AOAH: variants seen among roughly 807,000 people sequenced by gnomAD.
The protein encoded by AOAH is acyloxyacyl hydrolase (neutrophil).
In AOAH, 64 loss-of-function variants were observed where a neutral mutation model predicts 92.2. The observed-to-expected ratio is 0.69, with a 90% CI of 0.57 to 0.86. The LOEUF is 0.86. Ranked by LOEUF, AOAH falls within the 40% of genes least tolerant of loss-of-function variation. The pLI is 0.00. For synonymous variants in AOAH, 263 were observed against 254.5 expected (o/e 1.03, Z -0.32); for missense variants, 656 against 694.6 (o/e 0.94, Z 0.62).
chr7:36,584,989 G>A (rs1448557217), intron 12 of AOAH, among the ~76,000 whole-genome samples: 2 of 152,140 alleles, frequency 1.3e-5, no homozygotes. Context: ...CCCATACTCA[G>A]GATGCTCAGA....
intron 1 of AOAH, among the ~76,000 whole-genome samples, chr7:36,703,067 C>A (rs1361998645): frequency 1.3e-5 from 2 of 152,140 alleles, no homozygotes; most frequent in East Asian, 3.9e-4. Context: ...CCATAAGAAG[C>A]AATTCCTCAT....
At chr7:36,684,906 C>CAAAAAAAAAAAAAAAAAAAAAAAAAAAA (rs57827044) in intron 2 of AOAH, among the ~76,000 whole-genome samples, 1 of 59,988 alleles carries the variant, frequency 1.7e-5, no homozygotes. Flanking sequence ...GACCTTGTCT[C>CAAAAAAAAAAAAAAAAAAAAAAAAAAAA]AAAAAAAAAA....
chr7:36,716,029 T>C (rs958866920), intron 1 of AOAH, among the ~76,000 whole-genome samples: 1 of 151,734 alleles, frequency 6.6e-6, no homozygotes, highest in African/African-American at 2.4e-5. Flanking sequence ...ACCATCAGAG[T>C]GAACAGGCAA....
At chr7:36,587,212 C>A (rs1392457708) in intron 12 of AOAH, among the ~76,000 whole-genome samples, 9 of 138,776 alleles carry the variant, frequency 6.5e-5, no homozygotes, top group Non-Finnish European at 1.4e-4. Context: ...GCAGAGGTTG[C>A]AGTGAGCCAA....
At chr7:36,618,932 A>G (rs1473510203) in intron 9 of AOAH, among the ~76,000 whole-genome samples, 1 of 152,164 alleles carries the variant, frequency 6.6e-6, no homozygotes, top group East Asian at 1.9e-4. Flanking sequence ...CCAAACATCA[A>G]TAGTGCCCAG....
intron 5 of AOAH, 46 bp from the exon 6 acceptor site, chr7:36,632,152 A>C: frequency 6.6e-7 from 1 of 1,522,400 alleles, no homozygotes; most frequent in Non-Finnish European, 8.9e-7. Context: ...TAGTTTAAGG[A>C]GTGGTTCCCC....
chr7:36,592,196 T>G (rs912009710), intron 12 of AOAH, among the ~76,000 whole-genome samples: 4 of 152,228 alleles, frequency 2.6e-5, no homozygotes, highest in Middle Eastern at 3.4e-3. Flanking sequence ...CTAGACTGGG[T>G]GGAGGGCATT....
chr7:36,576,695 AC>A (rs1562585782), intron 12 of AOAH, 39 bp from the exon 13 acceptor site: 1 of 1,095,294 alleles, frequency 9.1e-7, no homozygotes, highest in Non-Finnish European at 1.3e-6. Context: ...AGGTCAGGAT[AC>A]TCACATAAAG....
At chr7:36,518,972 C>T (rs1051107310) in intron 20 of AOAH, among the ~76,000 whole-genome samples, 1 of 152,140 alleles carries the variant, frequency 6.6e-6, no homozygotes, top group Non-Finnish European at 1.5e-5. Context: ...TAAGAACTTG[C>T]CTTGCTGTCC....
Position 36,656,961 on chromosome 7 carries a change from C to T in AOAH, c.390+2205G>A, listed in dbSNP as rs544475840. On this transcript the variant is annotated intron_variant, in intron 4 of 20. Transcript: ENST00000617537. ...AGGTAATTCCACCTGAGCATTCATA[C>T]GTGCTACGTAGGAGTGATTTGCAGA... 4.6e-5 allele frequency among the ~76,000 whole-genome samples: 7 copies of T among 151,676 alleles called. No homozygotes were observed. The South Asian group carries it at 1.0e-3, about 23-fold the overall frequency.
chr7:36,702,059 C>A (rs1193136836), intron 1 of AOAH, among the ~76,000 whole-genome samples: 1 of 151,990 alleles, frequency 6.6e-6, no homozygotes, highest in African/African-American at 2.4e-5. Flanking sequence ...AATATTGCTC[C>A]ATCCTCACCT....
chr7:36,548,683 C>T lies in AOAH; in HGVS notation c.1062G>A (p.Leu354=). The part of the protein sequence containing the change: ...SRNLKKFIES[L]SRNKVLDYPA... ...GATAGTCCAACACCTTGTTTCTAGA[C>T]AAGCTGAGAAGGCATAGATGGAATC... Residue 354 remains leucine (L), a synonymous_variant, in exon 15 of 21, where the codon TTG becomes TTA. Transcript: ENST00000617537. The T allele has an allele frequency of 6.2e-7, 1 of 1,613,222 alleles. No individual in the cohort carries two copies. The highest frequency in any genetic ancestry group is 1.3e-5 in the African/African-American group (1 of 75,024).
chr7:36,661,386 G>C (rs1280228852), intron 3 of AOAH: 1 of 152,188 alleles, frequency 6.6e-6, no homozygotes, highest in African/African-American at 2.4e-5. Context: ...CTGCAGGATG[G>C]GTTCTGAGGG....
At position 36,621,682 on chromosome 7, in the gene AOAH, A is replaced by G. The variant is rs182040093; in HGVS notation, c.653+28T>C. The stretch of plus-strand genomic sequence containing the variant: ...GCTTCCTTTTCTGAAGATAATTTTA[A>G]AAATCAGCAACCAGCAGAAATAGTT... On this transcript the variant is annotated intron_variant, in intron 8 of 20. Transcript: ENST00000617537. 333 of 1,611,186 alleles carry G rather than the reference A, an allele frequency of 2.1e-4. No individual in the cohort carries two copies. In the African/African-American group the frequency reaches 4.1e-3, roughly 20 times the overall value.
chr7:36,578,304 A>T (rs1788678043), intron 12 of AOAH, among the ~76,000 whole-genome samples: 1 of 152,200 alleles, frequency 6.6e-6, no homozygotes. Context: ...CAACAGGAAA[A>T]GGCCAATAAA....
At chr7:36,605,220 C>T (rs1246970662) in intron 11 of AOAH, among the ~76,000 whole-genome samples, 2 of 152,188 alleles carry the variant, frequency 1.3e-5, no homozygotes, top group Non-Finnish European at 2.9e-5. Flanking sequence ...CCCACTCCTC[C>T]TAAGGAATTG....
intron 12 of AOAH, among the ~76,000 whole-genome samples, chr7:36,588,753 T>G (rs2116752561): frequency 6.6e-6 from 1 of 152,300 alleles, no homozygotes; most frequent in African/African-American, 2.4e-5. Context: ...CCTTTAACGC[T>G]TCTATTCTAG....
chr7:36,680,137 G>T (rs1439813939), intron 2 of AOAH, among the ~76,000 whole-genome samples: 2 of 152,136 alleles, frequency 1.3e-5, no homozygotes, highest in Admixed American at 1.3e-4. Flanking sequence ...GACTCTCAGG[G>T]CATATGATTC....
intron 1 of AOAH, among the ~76,000 whole-genome samples, chr7:36,703,589 C>T (rs1798173813): frequency 6.6e-6 from 1 of 152,094 alleles, no homozygotes; most frequent in Admixed American, 6.6e-5. Context: ...GTTCCCCTCC[C>T]TGTGCCCATG....
Sources: gnomAD v4.1 joint callset for allele counts (sites outside exome capture counted in the v4.1 genomes callset) on GRCh38, gnomAD v4.1.1 for gene constraint, MANE v1.5 for transcripts, NCBI Gene and HGNC (gene_info 2026-07-23, HGNC 2026-07-21) for gene names.